Variants in PRICKLE1 observed in about 807,000 individuals in gnomAD.
PRICKLE1 encodes the protein prickle-like protein 1.
Under a neutral mutation model 70.2 loss-of-function variants are expected in PRICKLE1, and 14 were observed. The observed-to-expected ratio is 0.20, with a 90% confidence interval of 0.13 to 0.31. The LOEUF (loss-of-function observed/expected upper bound fraction) is 0.31. Ranked by LOEUF, PRICKLE1 falls within the 10% of genes least tolerant of loss-of-function variation. PRICKLE1 has a pLI of 1.00. For synonymous variants in PRICKLE1, 357 were observed against 379.9 expected, an observed-to-expected ratio of 0.94 and a Z score of 0.70; for missense variants, 821 against 1,026.2, an observed-to-expected ratio of 0.80 and a Z score of 2.73.
At position 42,464,644 on chromosome 12, in the gene PRICKLE1, T is replaced by G. The variant is rs769424445; in HGVS notation, c.1390A>C (p.Ser464Arg). Residue 464 changes from serine to arginine, a missense_variant, in exon 7 of 8, where the codon AGT becomes CGT. By Grantham distance (110) the Ser-to-Arg change is moderately radical. Transcript: ENST00000345127. The surrounding 1 kb of genome is among the most constrained non-coding windows in gnomAD (Gnocchi z 4.2). ...ELKQNNQSLA[S>R]KKYQSDMYWA... Reference sequence around the variant, plus strand: ...TACATATCAGACTGGTATTTTTTACTTGCAAGGCTCTGGTTATTTTGCTTT... The same window carrying G: ...TACATATCAGACTGGTATTTTTTACGTGCAAGGCTCTGGTTATTTTGCTTT... The G allele has an allele frequency of 2.5e-6, 4 of 1,614,058 alleles. No individual in the cohort carries two copies. The highest frequency in any genetic ancestry group is 2.5e-6 in the Non-Finnish European group (3 of 1,180,016).
chr12:42,548,767 A>G (rs746091632), intron 1 of PRICKLE1, among the ~76,000 whole-genome samples: 1 of 152,148 alleles, frequency 6.6e-6, no homozygotes, highest in Non-Finnish European at 1.5e-5. Flanking sequence ...CTCACCTCCA[A>G]TTGAAACTGA....
chr12:42,537,337 AT>A (rs973371406), intron 1 of PRICKLE1, among the ~76,000 whole-genome samples: 1 of 151,308 alleles, frequency 6.6e-6, no homozygotes, highest in African/African-American at 2.4e-5. Context: ...TTAAAAAAAA[AT>A]TTTTTTTGGA....
In PRICKLE1 at chr12:42,457,172, C is replaced by T. The variant is rs1482029425; in HGVS notation, c.*2637G>A. 9.3e-6 allele frequency: 1 copy of T among 107,300 alleles called. No individual in the cohort carries two copies. The highest frequency in any genetic ancestry group is 1.8e-5 in the Non-Finnish European group (1 of 54,454). The allele number at this position is 107,300 out of a possible 1,614,324, so 6.6% of individuals were successfully genotyped here. ...AGCCTGGGCAACAGGAGCGAAACTCCATCTCAAAAAAAAAAAAAAAAGGAA... is the reference window on the plus strand; with the variant it reads ...AGCCTGGGCAACAGGAGCGAAACTCTATCTCAAAAAAAAAAAAAAAAGGAA... On this transcript the variant is annotated 3_prime_UTR_variant, in exon 8 of 8. Transcript: ENST00000345127.
At chr12:42,506,359 C>T (rs1340564947) in intron 1 of PRICKLE1, among the ~76,000 whole-genome samples, 5 of 147,326 alleles carry the variant, frequency 3.4e-5, no homozygotes, top group Admixed American at 7.0e-5. Context: ...TGGGTTCAAG[C>T]GATTCTTCTG....
intron 1 of PRICKLE1, among the ~76,000 whole-genome samples, chr12:42,475,995 G>C (rs1938511530): frequency 6.6e-6 from 1 of 150,462 alleles, no homozygotes. Context: ...AGCTACTCAG[G>C]AGGCTGAGGG....
intron 1 of PRICKLE1, among the ~76,000 whole-genome samples, chr12:42,585,856 C>G (rs1940978621): frequency 6.6e-6 from 1 of 152,144 alleles, no homozygotes. Flanking sequence ...CGCTACATTT[C>G]TGTGTGTCCA....
chr12:42,533,209 T>C (rs1939952978), intron 1 of PRICKLE1, among the ~76,000 whole-genome samples: 2 of 145,778 alleles, frequency 1.4e-5, no homozygotes, highest in Non-Finnish European at 3.1e-5. Context: ...GATTTTTTTT[T>C]CTTCTTTTTT....
In PRICKLE1 at chr12:42,494,756, G is replaced by A. The variant is rs567973970; in HGVS notation, c.-48-22192C>T. 3.9e-3 allele frequency among the ~76,000 whole-genome samples: 574 copies of A among 148,664 alleles called. 6 individuals are homozygous for A. The highest frequency in any genetic ancestry group is 8.8e-3 in the South Asian group (41 of 4,674). On this transcript the variant is annotated intron_variant, in intron 1 of 7. Transcript: ENST00000345127. ...TGGGAGGCATATGTTGCAGTGAGCC[G>A]AGATCATGCCACTGCACTCCAGCCT...
chr12:42,560,119 A>ATTATTATTT (rs1940485038), intron 1 of PRICKLE1, among the ~76,000 whole-genome samples: 1 of 83,082 alleles, frequency 1.2e-5, no homozygotes, highest in Non-Finnish European at 2.1e-5. Context: ...TATTATTATT[A>ATTATTATTT]TTATTATTAT....
chr12:42,470,446 T>C, intron 2 of PRICKLE1, 87 bp from the exon 3 acceptor site: 1 of 952,140 alleles, frequency 1.1e-6, no homozygotes, highest in Non-Finnish European at 1.7e-6. Flanking sequence ...TTTCCCTAGG[T>C]ACAGGGTTTG....
intron 1 of PRICKLE1, among the ~76,000 whole-genome samples, chr12:42,481,386 C>G (rs1938787566): frequency 6.6e-6 from 1 of 152,144 alleles, no homozygotes; most frequent in African/African-American, 2.4e-5. Context: ...TGAAGACTAC[C>G]ATGGCATTGT....
intron 1 of PRICKLE1, among the ~76,000 whole-genome samples, chr12:42,491,460 G>A (rs1939103683): frequency 6.6e-6 from 1 of 151,824 alleles, no homozygotes; most frequent in Admixed American, 6.6e-5. Context: ...GGCTGAGCCA[G>A]GAGAATCGCT....
chr12:42,471,552 A>C (rs1479132491), intron 2 of PRICKLE1, among the ~76,000 whole-genome samples: 1 of 152,184 alleles, frequency 6.6e-6, no homozygotes, highest in Admixed American at 6.5e-5. Context: ...ATAAACACTT[A>C]CTGAATATCA....
At chr12:42,532,967 A>G (rs1008026589) in intron 1 of PRICKLE1, among the ~76,000 whole-genome samples, 1 of 152,100 alleles carries the variant, frequency 6.6e-6, no homozygotes, top group African/African-American at 2.4e-5. Flanking sequence ...AATTCAGACT[A>G]GCCACAATTC....
In PRICKLE1 at chr12:42,459,452, T is replaced by C; in HGVS notation, c.*357A>G. 1 of 679,652 alleles carries C rather than the reference T, an allele frequency of 1.5e-6. No individual in the cohort carries two copies. The highest frequency in any genetic ancestry group is 2.7e-6 in the Non-Finnish European group (1 of 374,418). The allele number at this position is 679,652 out of a possible 1,614,324, so 42.1% of individuals were successfully genotyped here. On this transcript the variant is annotated 3_prime_UTR_variant, in exon 8 of 8. Transcript: ENST00000345127. ...TTACATAAATGACAAACACTAGTGC[T>C]TTACAAAGGTGGCTGGAGTTCTCCA... is the stretch of plus-strand genomic sequence containing the variant.
rs796744666 is a variant in PRICKLE1 at position 42,521,748 on chromosome 12, C to T, written c.-48-49184G>A. ...TAGAAATTAACTAACCAGTTAAAAC[C>T]GAGAACAAGCCACCTTCTTCTAATC... On this transcript the variant is annotated intron_variant, in intron 1 of 7. Transcript: ENST00000345127. 4.6e-5 allele frequency among the ~76,000 whole-genome samples: 7 copies of T among 151,798 alleles called. No homozygotes were observed. In the East Asian group the frequency reaches 9.7e-4, roughly 21 times the overall value.
chr12:42,484,704 G>T (rs1938939499), intron 1 of PRICKLE1, among the ~76,000 whole-genome samples: 1 of 152,202 alleles, frequency 6.6e-6, no homozygotes, highest in Admixed American at 6.5e-5. Context: ...GTCCCATACT[G>T]AAGCTAATCT....
chr12:42,481,198 C>A lies in PRICKLE1; in HGVS notation c.-48-8634G>T, dbSNP rs533974567. On this transcript the variant is annotated intron_variant, in intron 1 of 7. Transcript: ENST00000345127. ...AATCAGATACATATTGAGGTTGTAA[C>A]TGTATATCAGGTCTGGTATGATTCC... is the stretch of plus-strand genomic sequence containing the variant. Among the ~76,000 whole-genome samples the A allele has an allele frequency of 3.7e-3, 561 of 152,276 alleles. 1 individual carries two copies. The highest frequency in any genetic ancestry group is 6.8e-3 in the Middle Eastern group (2 of 294).
chr12:42,543,562 G>A (rs954094390), intron 1 of PRICKLE1, among the ~76,000 whole-genome samples: 4 of 151,912 alleles, frequency 2.6e-5, no homozygotes, highest in African/African-American at 4.8e-5. Context: ...TCGCTCTGTC[G>A]CCCAGTCTGG....
Sources: gnomAD v4.1 joint callset for allele counts (sites outside exome capture counted in the v4.1 genomes callset) on GRCh38, gnomAD v4.1.1 for gene constraint, Gnocchi (gnomAD v3.1) non-coding constraint, MANE v1.5 for transcripts, NCBI Gene and HGNC (gene_info 2026-07-23, HGNC 2026-07-21) for gene names.